The following TMEM163 variants were observed in gnomAD, a reference collection of about 807,000 sequenced individuals.
TMEM163 encodes transmembrane protein 163.
A neutral mutation model predicts 29.3 loss-of-function variants in TMEM163; 17 were observed. That is an observed-to-expected ratio of 0.58 (90% CI 0.40 to 0.87). The LOEUF is 0.87. Ranked by LOEUF, TMEM163 falls within the 40% of genes least tolerant of loss-of-function variation. The pLI, the probability that TMEM163 is intolerant of heterozygous loss-of-function variation, is 0.00. For synonymous variants in TMEM163, 157 were observed against 160.6 expected (o/e 0.98, Z 0.17); for missense variants, 303 against 381.5 (o/e 0.79, Z 1.71).
chr2:134,494,869 C>G (rs560367742), intron 5 of TMEM163, among the ~76,000 whole-genome samples: 67 of 152,330 alleles, frequency 4.4e-4, no homozygotes, highest in African/African-American at 1.6e-3. Context: ...AGAGAACCCT[C>G]AGGAACTCAT....
chr2:134,456,059 G>T lies in TMEM163; in HGVS notation c.*657C>A, dbSNP rs1466921210. 1 of 152,598 alleles carries T rather than the reference G, an allele frequency of 6.6e-6. No homozygotes were observed. Among genetic ancestry groups the T allele is most frequent in the Non-Finnish European group, 1.5e-5 (1 of 68,066 alleles). The allele number at this position is 152,598 out of a possible 1,614,324, so 9.5% of individuals were successfully genotyped here. On this transcript the variant is annotated 3_prime_UTR_variant, in exon 8 of 8. Coordinates refer to ENST00000281924, the MANE Select transcript of TMEM163 (RefSeq NM_030923.5). ...TCAAAAATGGACCCAGTTTTCACAT[G>T]GATGTTCAGGTTCTGAATGTACAAG...
intron 2 of TMEM163, among the ~76,000 whole-genome samples, chr2:134,644,877 G>T (rs961914400): frequency 3.3e-5 from 5 of 152,048 alleles, no homozygotes; most frequent in African/African-American, 1.2e-4. Context: ...TCCACCAAAG[G>T]TCATGGATTC....
intron 2 of TMEM163, among the ~76,000 whole-genome samples, chr2:134,638,881 C>A (rs1683166482): frequency 1.3e-5 from 2 of 152,124 alleles, no homozygotes; most frequent in Non-Finnish European, 2.9e-5. Flanking sequence ...ATGGGACAAC[C>A]AGGTAGATGT....
intron 2 of TMEM163, among the ~76,000 whole-genome samples, chr2:134,701,189 A>T (rs1032293938): frequency 1.3e-5 from 2 of 152,114 alleles, no homozygotes; most frequent in Non-Finnish European, 2.9e-5. Flanking sequence ...AACCATAAAA[A>T]TTAGAAAGAA....
intron 2 of TMEM163, among the ~76,000 whole-genome samples, chr2:134,679,154 T>C (rs986888454): frequency 2.0e-5 from 3 of 152,144 alleles, no homozygotes; most frequent in Non-Finnish European, 4.4e-5. Flanking sequence ...ATCCAGAGGA[T>C]CTGGGGTGGG....
chr2:134,538,503 A>G (rs1574219103), intron 4 of TMEM163, among the ~76,000 whole-genome samples: 1 of 152,336 alleles, frequency 6.6e-6, no homozygotes, highest in African/African-American at 2.4e-5. Flanking sequence ...AAACACTAGC[A>G]CATGGAGGGA....
chr2:134,541,874 T>C (rs1680680241), intron 4 of TMEM163, among the ~76,000 whole-genome samples: 1 of 152,212 alleles, frequency 6.6e-6, no homozygotes, highest in Non-Finnish European at 1.5e-5. Context: ...CAAGTGAGTT[T>C]CACTGTATTC....
chr2:134,586,897 C>T (rs1284952711), intron 2 of TMEM163, among the ~76,000 whole-genome samples: 3 of 152,162 alleles, frequency 2.0e-5, no homozygotes, highest in Non-Finnish European at 4.4e-5. Context: ...ACCAGAAAAA[C>T]CCCAAAGGCT....
intron 2 of TMEM163, among the ~76,000 whole-genome samples, chr2:134,637,064 G>A (rs1683120308): frequency 6.6e-6 from 1 of 152,208 alleles, no homozygotes; most frequent in Non-Finnish European, 1.5e-5. Flanking sequence ...CACACAGCTA[G>A]CTCGGACTGA....
chr2:134,466,122 A>G lies in TMEM163; in HGVS notation c.659T>C (p.Ile220Thr). The change falls in exon 6 of 8, where the codon ATA becomes ACA. Residue 220 changes from isoleucine to threonine, a missense_variant. Physicochemically the swap from Ile to Thr is moderately conservative, Grantham distance 89. This residue lies in a region of TMEM163 where 203 missense variants were observed against 294.3 expected (regional missense o/e 0.69). Coordinates refer to ENST00000281924, the MANE Select transcript of TMEM163 (RefSeq NM_030923.5). Reference protein sequence around the residue: ...LGKVLTSRALITDGFNSLVGG... With the variant: ...LGKVLTSRALTTDGFNSLVGG... ...ACCCTGGCCTTACTCACCATCTGTT[A>G]TGAGTGCTCTACTGGTCAGAACCTT... The G allele has an allele frequency of 6.2e-7, 1 of 1,612,998 alleles. No homozygotes were observed. Among genetic ancestry groups the G allele is most frequent in the Admixed American group, 1.7e-5 (1 of 59,948 alleles).
intron 2 of TMEM163, among the ~76,000 whole-genome samples, chr2:134,688,574 G>C (rs1684393972): frequency 6.6e-6 from 1 of 152,076 alleles, no homozygotes; most frequent in Non-Finnish European, 1.5e-5. Flanking sequence ...CTTGGAGTTT[G>C]GAAGAGAAAT....
intron 4 of TMEM163, among the ~76,000 whole-genome samples, chr2:134,509,836 A>G (rs1679909697): frequency 6.6e-6 from 1 of 152,262 alleles, no homozygotes; most frequent in Admixed American, 6.5e-5. Flanking sequence ...ATGGCTCTGT[A>G]GTGCGACATC....
intron 2 of TMEM163, among the ~76,000 whole-genome samples, chr2:134,605,186 A>AG (rs1682325400): frequency 6.6e-6 from 1 of 151,728 alleles, no homozygotes; most frequent in South Asian, 2.1e-4. Flanking sequence ...CCAGCAAAAA[A>AG]AAAAAAAAAA....
chr2:134,554,875 T>TGAGCGA (rs1212859404), intron 2 of TMEM163, among the ~76,000 whole-genome samples: 37 of 152,190 alleles, frequency 2.4e-4, no homozygotes, highest in African/African-American at 8.7e-4. Flanking sequence ...AAGGAAAATA[T>TGAGCGA]GAGCGAGATG....
At chr2:134,507,916 A>C (rs748665175) in intron 4 of TMEM163, among the ~76,000 whole-genome samples, 2 of 152,326 alleles carry the variant, frequency 1.3e-5, no homozygotes, top group Non-Finnish European at 2.9e-5. Flanking sequence ...GAAAGGAAGC[A>C]ATGGTTAACA....
At chr2:134,479,193 A>G (rs889743433) in intron 5 of TMEM163, among the ~76,000 whole-genome samples, 3 of 152,228 alleles carry the variant, frequency 2.0e-5, no homozygotes, top group Non-Finnish European at 4.4e-5. Flanking sequence ...ATTCGGTGAT[A>G]GCAGCCTGAA....
chr2:134,487,182 GAAAC>G (rs1679335479), intron 5 of TMEM163, among the ~76,000 whole-genome samples: 1 of 152,070 alleles, frequency 6.6e-6, no homozygotes. Context: ...TTTGAAAAGA[GAAAC>G]AAAGTGGCAT....
intron 5 of TMEM163, among the ~76,000 whole-genome samples, chr2:134,490,905 T>C (rs1334199684): frequency 1.3e-5 from 2 of 152,150 alleles, no homozygotes; most frequent in Admixed American, 1.3e-4. Flanking sequence ...CTCCATTAGC[T>C]AGACAATCAA....
intron 4 of TMEM163, among the ~76,000 whole-genome samples, chr2:134,519,687 G>T (rs755050517): frequency 6.6e-6 from 1 of 151,802 alleles, no homozygotes; most frequent in East Asian, 1.9e-4. Flanking sequence ...CCTCCAGCCT[G>T]GGTGACAGAG....
Sources: allele counts gnomAD v4.1 joint callset (sites outside exome capture counted in the v4.1 genomes callset), GRCh38; gene constraint gnomAD v4.1.1; regional missense constraint gnomAD v4.1.1; transcripts MANE v1.5; gene names NCBI Gene and HGNC (gene_info 2026-07-23, HGNC 2026-07-21).